The following DAB2IP variants were observed in gnomAD, a reference collection of about 807,000 sequenced individuals.
DAB2IP encodes DAB2 interacting protein.
A neutral mutation model predicts 107.2 loss-of-function variants in DAB2IP; 28 were observed. The ratio of observed to expected loss-of-function variants is 0.26; its 90% CI spans 0.19 to 0.36. DAB2IP has a LOEUF of 0.36. DAB2IP is among the 10% of genes least tolerant of loss of function. DAB2IP has a pLI of 1.00. For missense variants in DAB2IP, 1,400 were observed against 1,644.7 expected (o/e 0.85, Z 2.57); for synonymous variants, 755 against 706.4 (o/e 1.07, Z -1.09).
At chr9:121,759,817 C>T in intron 5 of DAB2IP, 68 bp from the exon 6 acceptor site, 1 of 1,445,004 alleles carries the variant, frequency 6.9e-7, no homozygotes, top group South Asian at 1.3e-5. Context: ...CTCTCTCAGG[C>T]TCTGGGCTGG....
At position 121,605,721 on chromosome 9, in the gene DAB2IP, G is replaced by A. The variant is rs540562130; in HGVS notation, c.40+38493G>A. ...AGGTCTCACTATATTGCGCAGGCTG[G>A]TCTTGAACTCCTAGGCTCAAGCAAT... On this transcript the variant is annotated intron_variant, in intron 1 of 16. Transcript: ENST00000259371. Among the ~76,000 whole-genome samples, 141 of 152,220 alleles carry A rather than the reference G, an allele frequency of 9.3e-4. 1 individual carries two copies. The highest frequency in any genetic ancestry group is 3.2e-3 in the African/African-American group (132 of 41,528).
At chr9:121,578,665 A>C (rs937714749) in intron 1 of DAB2IP, among the ~76,000 whole-genome samples, 1 of 139,650 alleles carries the variant, frequency 7.2e-6, no homozygotes, top group South Asian at 2.5e-4. Flanking sequence ...CCGGCCCTGC[A>C]ACGGGCCCAA....
chr9:121,775,866 G>A (rs1480065975), intron 13 of DAB2IP, among the ~76,000 whole-genome samples: 1 of 152,204 alleles, frequency 6.6e-6, no homozygotes, highest in African/African-American at 2.4e-5. Context: ...ATGTATCCAA[G>A]GGTTTTTTAA....
chr9:121,653,255 GCCTTTAGTACTCCTTGGAGGGAGT>G (rs1832834344), intron 1 of DAB2IP, among the ~76,000 whole-genome samples: 1 of 42,520 alleles, frequency 2.4e-5, no homozygotes, highest in Non-Finnish European at 5.8e-5. Context: ...GGAGTACTAA[GCCTTTAGTACTCCTTGGAGGGAGT>G]ACTAAAGACC....
chr9:121,585,401 A>G (rs1428808465), intron 1 of DAB2IP, among the ~76,000 whole-genome samples: 1 of 152,180 alleles, frequency 6.6e-6, no homozygotes, highest in African/African-American at 2.4e-5. Flanking sequence ...CAAAATGAGG[A>G]TAATAGTAGC....
At chr9:121,643,583 G>A (rs1395482847) in intron 1 of DAB2IP, among the ~76,000 whole-genome samples, 5 of 151,924 alleles carry the variant, frequency 3.3e-5, no homozygotes, top group Non-Finnish European at 5.9e-5. Flanking sequence ...CACCTCTGGG[G>A]CTTTTCTCAT....
At chr9:121,664,141 A>G (rs1225418627) in intron 1 of DAB2IP, among the ~76,000 whole-genome samples, 2 of 152,266 alleles carry the variant, frequency 1.3e-5, no homozygotes, top group South Asian at 2.1e-4. Flanking sequence ...GTTGAAAAAC[A>G]TATCTTTTCC....
At chr9:121,641,823 CTCTT>C (rs1248798819) in intron 1 of DAB2IP, among the ~76,000 whole-genome samples, 10 of 151,730 alleles carry the variant, frequency 6.6e-5, no homozygotes, top group Non-Finnish European at 1.3e-4. Context: ...TTCTTCCTTC[CTCTT>C]TCTTTCTTTT....
At chr9:121,657,894 T>C (rs885150) in intron 1 of DAB2IP, among the ~76,000 whole-genome samples, 30,471 of 152,136 alleles carry the variant, frequency 0.2, 3,766 homozygotes, top group South Asian at 0.31. Context: ...GCCAACTGTT[T>C]CCCTTGACAA....
At chr9:121,714,370 T>G (rs908213157) in intron 3 of DAB2IP, among the ~76,000 whole-genome samples, 78 of 152,196 alleles carry the variant, frequency 5.1e-4, no homozygotes, top group African/African-American at 1.9e-3. Context: ...GGCAAATGAC[T>G]TTGGTTTGCT....
chr9:121,638,354 G>A (rs1036681673), intron 1 of DAB2IP, among the ~76,000 whole-genome samples: 5 of 152,210 alleles, frequency 3.3e-5, no homozygotes, highest in African/African-American at 9.7e-5. Context: ...TCAGGGACTT[G>A]AGCGTGCTTG....
At chr9:121,770,606 A>T (rs886192411) in exon 11 of DAB2IP, 1 of 1,613,980 alleles carries the variant, frequency 6.2e-7, no homozygotes, top group Non-Finnish European at 8.5e-7. Flanking sequence ...CACAGCACTG[A>T]GCACCCCAGG....
intron 1 of DAB2IP, among the ~76,000 whole-genome samples, chr9:121,644,545 T>C (rs2119044620): frequency 6.6e-6 from 1 of 151,532 alleles, no homozygotes; most frequent in Admixed American, 6.6e-5. Context: ...TGCAGTGAGC[T>C]GAGATCGAGC....
chr9:121,754,527 G>C (rs1360993390), intron 3 of DAB2IP, among the ~76,000 whole-genome samples: 1 of 152,204 alleles, frequency 6.6e-6, no homozygotes, highest in Non-Finnish European at 1.5e-5. Flanking sequence ...CCGTGGAGAA[G>C]CTCCCAGGGA....
intron 1 of DAB2IP, among the ~76,000 whole-genome samples, chr9:121,669,497 G>GGA (rs925425705): frequency 4.6e-5 from 7 of 152,172 alleles, no homozygotes; most frequent in Non-Finnish European, 1.5e-5. Context: ...ACCTAGTATA[G>GGA]GATTTGGGTT....
chr9:121,567,239 G>A lies in DAB2IP; in HGVS notation c.40+11G>A, dbSNP rs1434838933. 14 of 1,613,996 alleles carry A rather than the reference G, an allele frequency of 8.7e-6. No individual in the cohort carries two copies. In the East Asian group the frequency reaches 3.1e-4, roughly 36 times the overall value. On this transcript the variant is annotated intron_variant, in intron 1 of 16. Coordinates refer to the DAB2IP transcript ENST00000259371. The stretch of plus-strand genomic sequence containing the variant: ...AAGACGACTCCTACGGTAAGACGGT[G>A]CCAGCAAAGTGCAGAGTTGGGGGTT...
chr9:121,666,073 G>C (rs1387839071), intron 1 of DAB2IP, among the ~76,000 whole-genome samples: 1 of 152,192 alleles, frequency 6.6e-6, no homozygotes, highest in Non-Finnish European at 1.5e-5. Flanking sequence ...TGTCAGCAGG[G>C]CTGTATTCCT....
At chr9:121,592,014 A>G (rs1453174341) in intron 1 of DAB2IP, among the ~76,000 whole-genome samples, 2 of 152,210 alleles carry the variant, frequency 1.3e-5, no homozygotes, top group Non-Finnish European at 1.5e-5. Flanking sequence ...GTGGAAATGT[A>G]TCCTATGGTG....
chr9:121,783,249 G>C (rs1382084699), exon 16 of DAB2IP: 1 of 1,301,978 alleles, frequency 7.7e-7, no homozygotes, highest in Non-Finnish European at 9.8e-7. Context: ...TTGTCCCTGT[G>C]GGGAGGACCC....
Sources: allele counts gnomAD v4.1 joint callset (sites outside exome capture counted in the v4.1 genomes callset), GRCh38; gene constraint gnomAD v4.1.1; transcripts MANE v1.5; gene names NCBI Gene and HGNC (gene_info 2026-07-23, HGNC 2026-07-21).